SMAD4: variants seen among roughly 807,000 people sequenced by gnomAD.
The protein encoded by SMAD4 is MAD homolog 4.
In SMAD4, 7 loss-of-function variants were observed where a neutral mutation model predicts 63.2. That is an observed-to-expected ratio of 0.11 (90% CI 0.06 to 0.21). SMAD4 has a LOEUF of 0.21. SMAD4 is among the 10% of genes least tolerant of loss of function. The pLI, the probability that SMAD4 is intolerant of heterozygous loss-of-function variation, is 1.00. For synonymous variants in SMAD4, 215 were observed against 235.4 expected (o/e 0.91, Z 0.79); for missense variants, 312 against 693.8 (o/e 0.45, Z 6.18).
Position 51,084,380 on chromosome 18 carries a change from G to A in SMAD4, c.*5913G>A, listed in dbSNP as rs370152218. 13 of 228,398 alleles carry A rather than the reference G, an allele frequency of 5.7e-5. No homozygotes were observed. Among genetic ancestry groups the A allele is most frequent in the African/African-American group, 2.2e-4 (10 of 45,096 alleles). 14.1% of individuals were successfully genotyped at this position (228,398 alleles called of 1,614,324 possible). ...TAACTTTATTCTTGGCTCTTTTTAGGTCCATTTTGATTAAGTGACTTTTGG... is the reference window on the plus strand; with the variant it reads ...TAACTTTATTCTTGGCTCTTTTTAGATCCATTTTGATTAAGTGACTTTTGG... On this transcript the variant is annotated 3_prime_UTR_variant, in exon 12 of 12. Coordinates refer to ENST00000342988, the MANE Select transcript of SMAD4 (RefSeq NM_005359.6).
At chr18:51,077,721 T>C (rs367853950) in intron 11 of SMAD4, among the ~76,000 whole-genome samples, 13 of 152,238 alleles carry the variant, frequency 8.5e-5, no homozygotes, top group Non-Finnish European at 1.8e-4. Flanking sequence ...TCCAGAACTA[T>C]TATTAAGTTT....
rs1285051863 is a variant in SMAD4, at chr18:51,061,609, C to T, written c.955+1693C>T. ...GAATTTTAAGCATACCGGAATAATA[C>T]AGGAAGTTCCCCCATTGTACTCATT... On this transcript the variant is annotated intron_variant, in intron 8 of 11. Coordinates refer to ENST00000342988, the MANE Select transcript of SMAD4 (RefSeq NM_005359.6). 2.6e-5 allele frequency among the ~76,000 whole-genome samples: 4 copies of T among 152,084 alleles called. No individual in the cohort carries two copies. In the East Asian group the frequency reaches 5.8e-4, roughly 22 times the overall value.
intron 8 of SMAD4, 64 bp downstream of exon 8, chr18:51,059,980 AAC>A: frequency 8.3e-7 from 1 of 1,209,484 alleles, no homozygotes; most frequent in Admixed American, 1.7e-5. Context: ...GAAACGCACA[AAC>A]ACAGGCTTTA....
chr18:51,076,271 C>T (rs572517055), intron 10 of SMAD4, among the ~76,000 whole-genome samples: 16 of 152,290 alleles, frequency 1.1e-4, no homozygotes, highest in African/African-American at 3.8e-4. Context: ...AAGCTATCAA[C>T]TCCAGCCTAA....
chr18:51,065,704 C>G, intron 9 of SMAD4, 98 bp downstream of exon 9: 10 of 920,382 alleles, frequency 1.1e-5, no homozygotes, highest in Middle Eastern at 2.9e-4. Flanking sequence ...TATATGTGTT[C>G]TTAAATATAA....
rs1909004066 is a variant in SMAD4 at position 51,030,458 on chromosome 18, GC to G, written c.-290del. The G allele has an allele frequency of 6.6e-6, 1 of 150,572 alleles. No homozygotes were observed. Among genetic ancestry groups the G allele is most frequent in the South Asian group, 2.1e-4 (1 of 4,830 alleles). 9.3% of individuals were successfully genotyped at this position (150,572 alleles called of 1,614,324 possible). A position where few individuals can be genotyped will look rare whatever the true frequency, so the allele number is the denominator to read the frequency against. The stretch of plus-strand genomic sequence containing the variant: ...CGGCCCGGGAGCTCGAGGCGGTCCG[GC>G]CCGCGCGGGCAGCGGCGCGGCGCTG... On this transcript the variant is annotated 5_prime_UTR_variant, in exon 1 of 12. Coordinates refer to ENST00000342988, the MANE Select transcript of SMAD4 (RefSeq NM_005359.6).
Position 51,043,938 on chromosome 18 carries a change from A to G in SMAD4, c.-127-2982A>G, listed in dbSNP as rs191236458. ...CAGTCCAGAAACACTTGCCTGGTAT[A>G]TGTCAGGAACTGTGCATGGTGCTGG... On this transcript the variant is annotated intron_variant, in intron 1 of 11. Transcript: ENST00000342988. Among the ~76,000 whole-genome samples, 19 of 152,342 alleles carry G rather than the reference A, an allele frequency of 1.2e-4. No homozygotes were observed. The East Asian group carries it at 3.1e-3, about 25-fold the overall frequency.
At chr18:51,074,583 G>A (rs926202634) in intron 10 of SMAD4, among the ~76,000 whole-genome samples, 3 of 152,146 alleles carry the variant, frequency 2.0e-5, no homozygotes, top group Non-Finnish European at 2.9e-5. Flanking sequence ...TGTTGATAGT[G>A]GCGGAAGGTT....
At position 51,053,674 on chromosome 18, in the gene SMAD4, A is replaced by G. The variant is rs1909768367; in HGVS notation, c.455-1107A>G. ...ACTGCCTTAAACTAGTCTCAATTTA[A>G]TAAAAAGTACCCATGTAACTTAACT... On this transcript the variant is annotated intron_variant, in intron 4 of 11. Transcript: ENST00000342988. 3 of 152,180 alleles carry G rather than the reference A, an allele frequency of 2.0e-5. No homozygotes were observed. In the South Asian group the frequency reaches 6.2e-4, roughly 31 times the overall value. The allele number at this position is 152,180 out of a possible 1,614,324, so 9.4% of individuals were successfully genotyped here.
At chr18:51,043,231 T>C (rs2144393111) in intron 1 of SMAD4, among the ~76,000 whole-genome samples, 1 of 152,342 alleles carries the variant, frequency 6.6e-6, no homozygotes, top group Middle Eastern at 3.4e-3. Context: ...CAGACCCACT[T>C]TCTTACTATG....
At chr18:51,066,877 A>ATG in intron 9 of SMAD4, 142 bp from the exon 10 acceptor site, 1 of 666,928 alleles carries the variant, frequency 1.5e-6, no homozygotes. Flanking sequence ...AAGGAAATAT[A>ATG]CAAAAATGTT....
chr18:51,083,802 T>C lies in SMAD4; in HGVS notation c.*5335T>C, dbSNP rs1599209712. ...GACCTTGGCTACCTTGCAGCAGTTT[T>C]GGATTTCTTCCTTATCTTTGTTCTG... On this transcript the variant is annotated 3_prime_UTR_variant, in exon 12 of 12. Transcript: ENST00000342988. 1 of 231,424 alleles carries C rather than the reference T, an allele frequency of 4.3e-6. No individual in the cohort carries two copies. Among genetic ancestry groups the C allele is most frequent in the East Asian group, 6.1e-5 (1 of 16,390 alleles). The allele number at this position is 231,424 out of a possible 1,614,324, so 14.3% of individuals were successfully genotyped here.
At chr18:51,048,539 C>T in intron 2 of SMAD4, 147 bp from the exon 3 acceptor site, 1 of 744,542 alleles carries the variant, frequency 1.3e-6, no homozygotes, top group Non-Finnish European at 2.3e-6. Flanking sequence ...ATGACATGGC[C>T]AAGTTAGTTA....
intron 10 of SMAD4, among the ~76,000 whole-genome samples, chr18:51,073,412 C>T (rs1416305315): frequency 2.8e-5 from 4 of 142,256 alleles, no homozygotes; most frequent in East Asian, 2.0e-4. Flanking sequence ...CACACACACA[C>T]ACACACACAC....
Position 51,084,423 on chromosome 18 carries a change from C to G in SMAD4, c.*5956C>G. The G allele has an allele frequency of 8.9e-6, 2 of 224,670 alleles. No homozygotes were observed. The highest frequency in any genetic ancestry group is 6.4e-5 in the East Asian group (1 of 15,648). 13.9% of individuals were successfully genotyped at this position (224,670 alleles called of 1,614,324 possible). A position where few individuals can be genotyped will look rare whatever the true frequency, so the allele number is the denominator to read the frequency against. On this transcript the variant is annotated 3_prime_UTR_variant, in exon 12 of 12. Transcript: ENST00000342988. ...ACTTTTGGCTGGATCATTCAGAGCTCTCTTCTAGCCTACCCTTGGATGAGT... is the reference window on the plus strand; with the variant it reads ...ACTTTTGGCTGGATCATTCAGAGCTGTCTTCTAGCCTACCCTTGGATGAGT...
At chr18:51,031,676 G>C (rs1366605808) in intron 1 of SMAD4, among the ~76,000 whole-genome samples, 1 of 151,520 alleles carries the variant, frequency 6.6e-6, no homozygotes, top group Non-Finnish European at 1.5e-5. Context: ...TAGCAGCTTG[G>C]TTACTCGGGT....
At chr18:51,051,398 G>A (rs1909707654) in intron 4 of SMAD4, 1 of 456,006 alleles carries the variant, frequency 2.2e-6, no homozygotes, top group African/African-American at 2.0e-5. Context: ...TTTGGACAAA[G>A]GAATGATACA....
At position 51,078,331 on chromosome 18, in the gene SMAD4, G is replaced by A. The variant is rs1555687572; in HGVS notation, c.1523G>A (p.Gly508Asp). The part of the protein sequence containing the change: ...LCILRMSFVK[G>D]WGPDYPRQSI... ...ATACTCAGGATGAGTTTTGTGAAAG[G>A]CTGGGGACCGGATTACCCAAGACAG... The change falls in exon 12 of 12, where the codon GGC becomes GAC. Residue 508 changes from glycine to aspartate, a missense_variant. Physicochemically the swap from Gly to Asp is moderately conservative, Grantham distance 94 (BLOSUM62 -1). Coordinates refer to ENST00000342988, the MANE Select transcript of SMAD4 (RefSeq NM_005359.6). 1 of 1,614,182 alleles carries A rather than the reference G, an allele frequency of 6.2e-7. No individual in the cohort carries two copies. Among genetic ancestry groups the A allele is most frequent in the Non-Finnish European group, 8.5e-7 (1 of 1,180,022 alleles).
chr18:51,070,397 T>C (rs1000187778), intron 10 of SMAD4, among the ~76,000 whole-genome samples: 7 of 152,214 alleles, frequency 4.6e-5, no homozygotes, highest in Non-Finnish European at 1.0e-4. Flanking sequence ...TCTCATACTT[T>C]TACCATGAAA....
Sources: gnomAD v4.1 joint callset for allele counts (sites outside exome capture counted in the v4.1 genomes callset) on GRCh38, gnomAD v4.1.1 for gene constraint, MANE v1.5 for transcripts, NCBI Gene and HGNC (gene_info 2026-07-23, HGNC 2026-07-21) for gene names.